Variants in PCYT1A observed in about 807,000 individuals in gnomAD.
PCYT1A encodes phosphate cytidylyltransferase 1A, choline, also known as choline-phosphate cytidylyltransferase A.
A neutral mutation model predicts 43.7 loss-of-function variants in PCYT1A; 25 were observed. The ratio of observed to expected loss-of-function variants is 0.57; its 90% CI spans 0.42 to 0.80. The LOEUF (loss-of-function observed/expected upper bound fraction) is 0.80. Among genes scored for constraint, PCYT1A ranks in the 30% least tolerant of loss-of-function variants. The pLI is 0.00. For missense variants in PCYT1A, 421 were observed against 474.2 expected (o/e 0.89, Z 1.04); for synonymous variants, 172 against 170.7 (o/e 1.01, Z -0.06).
intron 2 of PCYT1A, among the ~76,000 whole-genome samples, chr3:196,259,458 G>C (rs980839602): frequency 2.0e-5 from 3 of 152,172 alleles, no homozygotes; most frequent in Non-Finnish European, 2.9e-5. Context: ...TGAATCCAGA[G>C]ACTGGGAAGA....
At chr3:196,251,705 C>T (rs906336553) in intron 3 of PCYT1A, 6 of 152,066 alleles carry the variant, frequency 3.9e-5, no homozygotes, top group East Asian at 1.9e-4. Flanking sequence ...TACATTTCAA[C>T]GGAAGATTGA....
chr3:196,238,989 T>C (rs1724269899), intron 8 of PCYT1A, 95 bp from the exon 9 acceptor site: 17 of 674,948 alleles, frequency 2.5e-5, no homozygotes, highest in Non-Finnish European at 3.3e-5. Context: ...TGCTGTACTA[T>C]TTATTTAAGG....
intron 1 of PCYT1A, among the ~76,000 whole-genome samples, chr3:196,286,843 G>A (rs955497627): frequency 1.3e-5 from 2 of 152,262 alleles, no homozygotes; most frequent in Admixed American, 1.3e-4. Flanking sequence ...GAACCAGGGA[G>A]GCGGAGGTTG....
rs568924468 is a variant in PCYT1A, at chr3:196,273,405, G to A, written c.-10-2864C>T. ...TCAGTCCCACCATTTGGCAGATCCCGAGTTCTTGTCCCACGTCCAGGAAGA... is the reference window on the plus strand; with the variant it reads ...TCAGTCCCACCATTTGGCAGATCCCAAGTTCTTGTCCCACGTCCAGGAAGA... On this transcript the variant is annotated intron_variant, in intron 1 of 8. Coordinates refer to ENST00000431016, the MANE Select transcript of PCYT1A (RefSeq NM_001312673.2). This position sits in a 1 kb window ranked among gnomAD's most constrained non-coding sequence, Gnocchi z 4.1. Among the ~76,000 whole-genome samples, 61 of 152,150 alleles carry A rather than the reference G, an allele frequency of 4.0e-4. No homozygotes were observed. Among genetic ancestry groups the A allele is most frequent in the Non-Finnish European group, 7.2e-4 (49 of 68,030 alleles).
intron 1 of PCYT1A, among the ~76,000 whole-genome samples, chr3:196,275,783 G>C (rs944569110): frequency 6.6e-6 from 1 of 151,420 alleles, no homozygotes; most frequent in Non-Finnish European, 1.5e-5. Context: ...GTGATCTATT[G>C]CACAGAATGG....
At chr3:196,246,376 CCCACCTTT>C (rs1724570041) in intron 5 of PCYT1A, among the ~76,000 whole-genome samples, 1 of 151,978 alleles carries the variant, frequency 6.6e-6, no homozygotes, top group Non-Finnish European at 1.5e-5. Context: ...ATCTTTTGTA[CCCACCTTT>C]TGCAGGAAAC....
intron 1 of PCYT1A, among the ~76,000 whole-genome samples, chr3:196,274,170 G>A (rs1193644550): frequency 2.0e-5 from 3 of 152,242 alleles, no homozygotes; most frequent in Admixed American, 6.5e-5. Context: ...GCAAGGAGAG[G>A]CCAGGCAGTG....
intron 5 of PCYT1A, among the ~76,000 whole-genome samples, chr3:196,243,503 C>T (rs1488547428): frequency 6.6e-6 from 1 of 150,582 alleles, no homozygotes; most frequent in Non-Finnish European, 1.5e-5. Flanking sequence ...TCCCTCTCCC[C>T]TCTCCCTTCT....
Position 196,252,140 on chromosome 3 carries a change from T to TGCACACCGCCACGCCCCACTGGCTACAGC in PCYT1A, c.218-3846_218-3818dup, listed in dbSNP as rs1450269951. Among the ~76,000 whole-genome samples the TGCACACCGCCACGCCCCACTGGCTACAGC allele has an allele frequency of 1.3e-5, 2 of 150,996 alleles. No individual in the cohort carries two copies. The highest frequency in any genetic ancestry group is 2.4e-5 in the African/African-American group (1 of 41,120). ...CCCCGCCACGCCCCACTGGCTACAGTGCACACCGCCACGCCCCACTGGCTA... is the reference window on the plus strand; with the variant it reads ...CCCCGCCACGCCCCACTGGCTACAGTGCACACCGCCACGCCCCACTGGCTACAGCGCACACCGCCACGCCCCACTGGCTA... On this transcript the variant is annotated intron_variant, in intron 3 of 8. Coordinates refer to ENST00000431016, the MANE Select transcript of PCYT1A (RefSeq NM_001312673.2). This position sits in a 1 kb window ranked among gnomAD's most constrained non-coding sequence, Gnocchi z 4.0.
In PCYT1A at chr3:196,268,812, TAAATAA is replaced by T. The variant is rs1324161251; in HGVS notation, c.117+1597_117+1602del. On this transcript the variant is annotated intron_variant, in intron 2 of 8. Transcript: ENST00000431016. This position sits in a 1 kb window ranked among gnomAD's most constrained non-coding sequence, Gnocchi z 4.4. Reference sequence around the variant, plus strand: ...TCTGTCTCAAAAATACAAATAAAAATAAATAAAAATAAAAATAGTAAAGAGGCTTTG... The same window carrying T: ...TCTGTCTCAAAAATACAAATAAAAATAAATAAAAATAGTAAAGAGGCTTTG... Among the ~76,000 whole-genome samples the T allele has an allele frequency of 6.6e-6, 1 of 151,776 alleles. No individual in the cohort carries two copies. Among genetic ancestry groups the T allele is most frequent in the Non-Finnish European group, 1.5e-5 (1 of 67,932 alleles).
intron 3 of PCYT1A, 107 bp from the exon 4 acceptor site, chr3:196,248,430 G>T: frequency 1.6e-6 from 1 of 613,268 alleles, no homozygotes; most frequent in Admixed American, 2.5e-5. Flanking sequence ...GGAGTGCAGT[G>T]GCGTGATCTC....
At chr3:196,280,570 G>T (rs150984505) in intron 1 of PCYT1A, among the ~76,000 whole-genome samples, 1,632 of 91,124 alleles carry the variant, frequency 0.018, 22 homozygotes, top group African/African-American at 0.055. Context: ...TATTTTTATT[G>T]TTTTTTTTTT....
chr3:196,244,791 C>G (rs1724504629), intron 5 of PCYT1A, among the ~76,000 whole-genome samples: 1 of 152,100 alleles, frequency 6.6e-6, no homozygotes, highest in African/African-American at 2.4e-5. Flanking sequence ...GTGACCTTAC[C>G]CCCAACCCTG....
chr3:196,267,127 C>T (rs1230878429), intron 2 of PCYT1A, among the ~76,000 whole-genome samples: 2 of 145,696 alleles, frequency 1.4e-5, no homozygotes, highest in Non-Finnish European at 3.0e-5. Context: ...TGCAGTGAGC[C>T]GAGATTGCGC....
At chr3:196,251,016 T>C (rs918797933) in intron 3 of PCYT1A, among the ~76,000 whole-genome samples, 2 of 146,446 alleles carry the variant, frequency 1.4e-5, no homozygotes, top group African/African-American at 5.1e-5. Context: ...AGATACACCA[T>C]GCTGAGGCTG....
rs556774381 is a variant in PCYT1A, at chr3:196,269,676, A to G, written c.117+739T>C. ...AGGAAATACAAAGATAATTTTCCAG[A>G]GATAAAGGAGCATAAGGTAGGCATA... On this transcript the variant is annotated intron_variant, in intron 2 of 8. Coordinates refer to ENST00000431016, the MANE Select transcript of PCYT1A (RefSeq NM_001312673.2). Among the ~76,000 whole-genome samples the G allele has an allele frequency of 7.2e-5, 11 of 152,210 alleles. No homozygotes were observed. The South Asian group carries it at 1.5e-3, about 20-fold the overall frequency.
chr3:196,253,732 G>A (rs1324015285), intron 3 of PCYT1A, among the ~76,000 whole-genome samples: 1 of 152,050 alleles, frequency 6.6e-6, no homozygotes, highest in Non-Finnish European at 1.5e-5. Flanking sequence ...TCCATCCCAA[G>A]TCTTTGGCAA....
intron 1 of PCYT1A, among the ~76,000 whole-genome samples, chr3:196,280,575 T>A (rs111369635): frequency 8.2e-5 from 12 of 147,108 alleles, no homozygotes; most frequent in African/African-American, 3.0e-4. Context: ...TTATTGTTTT[T>A]TTTTTTTTTT....
intron 8 of PCYT1A, 69 bp from the exon 9 acceptor site, chr3:196,238,963 G>T: frequency 1.1e-6 from 1 of 948,904 alleles, no homozygotes. Flanking sequence ...GAAGCATCTA[G>T]GACTGGGATA....
Sources: allele counts gnomAD v4.1 joint callset (sites outside exome capture counted in the v4.1 genomes callset), GRCh38; gene constraint gnomAD v4.1.1; non-coding constraint Gnocchi (gnomAD v3.1); transcripts MANE v1.5; gene names NCBI Gene and HGNC (gene_info 2026-07-23, HGNC 2026-07-21).